The following SMTN variants were observed in gnomAD, a reference collection of about 807,000 sequenced individuals.
SMTN encodes smoothelin.
A neutral mutation model predicts 102.0 loss-of-function variants in SMTN; 58 were observed. The ratio of observed to expected loss-of-function variants is 0.57; its 90% CI spans 0.46 to 0.71. The LOEUF is 0.71. Among genes scored for constraint, SMTN ranks in the 30% least tolerant of loss-of-function variants. The pLI, the probability that SMTN is intolerant of heterozygous loss-of-function variation, is 0.00. For missense variants in SMTN, 1,185 were observed against 1,241.7 expected, an observed-to-expected ratio of 0.95 and a Z score of 0.69; for synonymous variants, 478 against 497.9, an observed-to-expected ratio of 0.96 and a Z score of 0.53.
At chr22:31,069,190 T>A (rs942048212) in intron 1 of SMTN, among the ~76,000 whole-genome samples, 3 of 152,156 alleles carry the variant, frequency 2.0e-5, no homozygotes, top group Non-Finnish European at 1.5e-5. Flanking sequence ...ATACGTCTGA[T>A]TGAATCAACT....
At position 31,097,345 on chromosome 22, in the gene SMTN, A is replaced by G. The variant is rs1331429401; in HGVS notation, c.2159+7A>G. On this transcript the variant is annotated splice_region_variant and intron_variant, in intron 16 of 20. Coordinates refer to ENST00000333137, the MANE Select transcript of SMTN (RefSeq NM_134269.3). Reference sequence around the variant, plus strand: ...CATCCAAGAAGATGGGCAGGTGAGCACCAGCACCCAATCCCTGACCATAGA... The same window carrying G: ...CATCCAAGAAGATGGGCAGGTGAGCGCCAGCACCCAATCCCTGACCATAGA... 1.9e-6 allele frequency: 3 copies of G among 1,613,128 alleles called. No individual in the cohort carries two copies. The highest frequency in any genetic ancestry group is 2.7e-5 in the African/African-American group (2 of 74,878).
intron 1 of SMTN, chr22:31,082,939 C>T (rs746970607): frequency 6.6e-7 from 1 of 1,518,558 alleles, no homozygotes; most frequent in African/African-American, 1.4e-5. Flanking sequence ...CCATCCCAGG[C>T]CACACAGCAG....
chr22:31,082,726 C>T (rs1158730958), intron 1 of SMTN: 18 of 738,870 alleles, frequency 2.4e-5, no homozygotes, highest in Middle Eastern at 3.8e-4. Flanking sequence ...GCAAGAACTA[C>T]GGGTTCAGCC....
chr22:31,096,764 G>T lies in SMTN; in HGVS notation c.1893G>T (p.Leu631=). The T allele has an allele frequency of 6.4e-7, 1 of 1,557,138 alleles. No individual in the cohort carries two copies. The change falls in exon 14 of 21, where the codon CTG becomes CTT. Residue 631 remains leucine (L), a synonymous_variant. Transcript: ENST00000333137. ...GGGACAAGGAGCGGGAACGGCGGCT[G>T]CAGGAGGCACGGGGCCGGCCAGGGG... The part of the protein sequence containing the change: ...DQRDKERERR[L]QEARGRPGEG...
intron 1 of SMTN, among the ~76,000 whole-genome samples, chr22:31,072,349 T>G (rs2042024318): frequency 6.6e-6 from 1 of 152,218 alleles, no homozygotes; most frequent in African/African-American, 2.4e-5. Context: ...CGCACCTAGA[T>G]CTGTCCAACT....
intron 11 of SMTN, chr22:31,093,646 C>A (rs758855165): frequency 2.6e-6 from 2 of 779,446 alleles, no homozygotes; most frequent in African/African-American, 1.7e-5. Flanking sequence ...AGCACTGAGC[C>A]GGCGGCTGGA....
At chr22:31,087,817 C>G in intron 2 of SMTN, 148 bp from the exon 3 acceptor site, 1 of 800,124 alleles carries the variant, frequency 1.2e-6, no homozygotes, top group Non-Finnish European at 1.9e-6. Flanking sequence ...CCCCCGGGAC[C>G]CTGCGTGGGC....
intron 5 of SMTN, 41 bp from the exon 6 acceptor site, chr22:31,088,831 C>T (rs1357884872): frequency 1.2e-6 from 2 of 1,608,458 alleles, no homozygotes; most frequent in Non-Finnish European, 8.5e-7. Flanking sequence ...GTCCACAGCA[C>T]CTCCCTGTCA....
intron 19 of SMTN, 37 bp downstream of exon 19, chr22:31,099,933 C>T (rs1390187872): frequency 1.9e-6 from 3 of 1,604,126 alleles, no homozygotes; most frequent in Admixed American, 3.4e-5. Context: ...TGTTGCTGCA[C>T]ATCTGGGGCT....
intron 20 of SMTN, chr22:31,101,783 C>CACAA (rs2044113606): frequency 1.4e-5 from 1 of 69,864 alleles, no homozygotes; most frequent in African/African-American, 6.0e-5. Flanking sequence ...GACTCCATCT[C>CACAA]AAAAAAAAAA....
rs140229630 is a variant in SMTN, at chr22:31,083,120, C to A, written c.-80-59C>A. The A allele has an allele frequency of 6.5e-5, 101 of 1,549,664 alleles. 1 individual carries two copies. The East Asian group carries it at 2.4e-3, about 37-fold the overall frequency. ...AGAGAGGGAAAGTAAGGCACAGAGC[C>A]TAAGTGCCTGTGGTTTCTGGAAGCC... On this transcript the variant is annotated intron_variant, in intron 1 of 20. Transcript: ENST00000333137.
intron 11 of SMTN, among the ~76,000 whole-genome samples, chr22:31,094,674 T>G (rs1425639157): frequency 3.3e-5 from 5 of 151,932 alleles, no homozygotes; most frequent in Admixed American, 2.6e-4. Flanking sequence ...GTTTTTTTTT[T>G]TTTTTTTTCC....
chr22:31,090,620 G>A (rs1337529568), intron 8 of SMTN, among the ~76,000 whole-genome samples, 188 bp from the exon 9 acceptor site: 1 of 152,114 alleles, frequency 6.6e-6, no homozygotes, highest in South Asian at 2.1e-4. Flanking sequence ...TAGGAGAGAT[G>A]CAGCCGAGTG....
At chr22:31,084,133 G>A (rs965972362) in intron 2 of SMTN, among the ~76,000 whole-genome samples, 2 of 152,164 alleles carry the variant, frequency 1.3e-5, no homozygotes, top group South Asian at 4.1e-4. Flanking sequence ...CTCTTCCTGA[G>A]AGCCCTGTCT....
intron 8 of SMTN, among the ~76,000 whole-genome samples, chr22:31,090,597 AAGG>A (rs1048951090): frequency 6.6e-6 from 1 of 151,862 alleles, no homozygotes; most frequent in African/African-American, 2.4e-5. Flanking sequence ...GTGGCAGGAG[AAGG>A]AGGTGCCTGT....
At chr22:31,084,159 G>A (rs1029029709) in intron 2 of SMTN, among the ~76,000 whole-genome samples, 5 of 152,210 alleles carry the variant, frequency 3.3e-5, no homozygotes, top group African/African-American at 1.2e-4. Flanking sequence ...CATGCACAGA[G>A]GCCGTAGGGC....
rs2043474370 is a variant in SMTN at position 31,095,179 on chromosome 22, G to T, written c.1633-124G>T. On this transcript the variant is annotated intron_variant, in intron 11 of 20. Coordinates refer to ENST00000333137, the MANE Select transcript of SMTN (RefSeq NM_134269.3). The surrounding 1 kb of genome is among the most constrained non-coding windows in gnomAD (Gnocchi z 4.1). ...TGGCCATCTTTGGGCAGGCAGGCTGGCAGGCTAGTGGTTATTTCCAAGGCG... is the reference window on the plus strand; with the variant it reads ...TGGCCATCTTTGGGCAGGCAGGCTGTCAGGCTAGTGGTTATTTCCAAGGCG... 4 of 974,608 alleles carry T rather than the reference G, an allele frequency of 4.1e-6. No individual in the cohort carries two copies. In the South Asian group the frequency reaches 6.5e-5, roughly 16 times the overall value. The allele number at this position is 974,608 out of a possible 1,614,324, so 60.4% of individuals were successfully genotyped here.
chr22:31,100,764 A>G (rs1024929722), intron 19 of SMTN, 121 bp from the exon 20 acceptor site: 9 of 620,892 alleles, frequency 1.4e-5, no homozygotes, highest in Non-Finnish European at 2.3e-5. Context: ...GTGTGTGTGT[A>G]TGTGTGTGTG....
At chr22:31,071,789 A>C (rs1255470126) in intron 1 of SMTN, among the ~76,000 whole-genome samples, 4 of 146,302 alleles carry the variant, frequency 2.7e-5, no homozygotes, top group Non-Finnish European at 6.0e-5. Context: ...TCCACCTTCC[A>C]GGCTCAAGGG....
Sources: allele counts gnomAD v4.1 joint callset (sites outside exome capture counted in the v4.1 genomes callset), GRCh38; gene constraint gnomAD v4.1.1; non-coding constraint Gnocchi (gnomAD v3.1); transcripts MANE v1.5; gene names NCBI Gene and HGNC (gene_info 2026-07-23, HGNC 2026-07-21).